ANAPC5: variants seen among roughly 807,000 people sequenced by gnomAD.
ANAPC5 encodes the protein anaphase-promoting complex subunit 5.
ANAPC5 carries 60 observed loss-of-function variants against 91.3 expected under a neutral mutation model. The observed-to-expected ratio is 0.66, with a 90% confidence interval of 0.53 to 0.81. The LOEUF (loss-of-function observed/expected upper bound fraction) is 0.81, where lower values mean the gene tolerates loss of function less well. ANAPC5 is among the 40% of genes least tolerant of loss of function. The pLI is 0.00. For synonymous variants in ANAPC5, 340 were observed against 364.1 expected, an observed-to-expected ratio of 0.93 and a Z score of 0.75; for missense variants, 690 against 931.5, an observed-to-expected ratio of 0.74 and a Z score of 3.37.
At chr12:121,353,434 C>CGTTTTGTTTT (rs1903979723), upstream of ANAPC5, among the ~76,000 whole-genome samples, 1 of 66,448 alleles carries the variant, frequency 1.5e-5, no homozygotes, top group Non-Finnish European at 5.3e-5. Context: ...GTGCCTTGTG[C>CGTTTTGTTTT]CTTTTGTTTT....
Position 121,309,772 on chromosome 12 carries a change from C to A in ANAPC5, c.1985G>T (p.Arg662Leu). The A allele has an allele frequency of 6.2e-7, 1 of 1,614,158 alleles. No individual in the cohort carries two copies. Residue 662 changes from arginine (R) to leucine (L), a missense_variant, in exon 16 of 17, where the codon CGT becomes CTT. Arg to Leu is a moderately radical substitution (Grantham distance 102, BLOSUM62 -2). Transcript: ENST00000261819. Reference sequence around the variant, plus strand: ...GCACTTGGCCACTAAGAACATGGCACGACCTTTGTCCAGGATAGCCCCGTC... The same window carrying A: ...GCACTTGGCCACTAAGAACATGGCAAGACCTTTGTCCAGGATAGCCCCGTC... The part of the protein sequence containing the change: ...LADGAILDKG[R>L]AMFLVAKCQV...
At chr12:121,325,349 G>C (rs937154876) in intron 11 of ANAPC5, among the ~76,000 whole-genome samples, 11 of 152,054 alleles carry the variant, frequency 7.2e-5, no homozygotes, top group Non-Finnish European at 8.8e-5. Context: ...TGTAATCCCA[G>C]CTACCTGGGA....
At chr12:121,310,122 A>C (rs1345033376) in intron 15 of ANAPC5, 1 of 275,948 alleles carries the variant, frequency 3.6e-6, no homozygotes, top group Non-Finnish European at 6.7e-6. Context: ...TCCAGCATTA[A>C]TATCCTTTAG....
chr12:121,320,316 C>T, intron 12 of ANAPC5, 69 bp downstream of exon 12: 4 of 1,463,710 alleles, frequency 2.7e-6, no homozygotes, highest in Admixed American at 3.5e-5. Flanking sequence ...AGATTATGTC[C>T]CACTTTATAT....
chr12:121,322,206 T>A (rs1902644901), intron 11 of ANAPC5, among the ~76,000 whole-genome samples: 1 of 151,188 alleles, frequency 6.6e-6, no homozygotes, highest in Non-Finnish European at 1.5e-5. Context: ...TCACCCAGGC[T>A]GGAGTGCAGT....
chr12:121,310,114 C>T (rs181298858), intron 15 of ANAPC5: 2 of 296,500 alleles, frequency 6.7e-6, no homozygotes, highest in East Asian at 1.2e-4. Flanking sequence ...CAAAAAGATC[C>T]AGCATTAATA....
At chr12:121,343,504 G>A (rs1410961601) in intron 4 of ANAPC5, among the ~76,000 whole-genome samples, 1 of 152,240 alleles carries the variant, frequency 6.6e-6, no homozygotes, top group African/African-American at 2.4e-5. Context: ...AGGCAGAGGA[G>A]CAGCAGGCCA....
At position 121,319,295 on chromosome 12, in the gene ANAPC5, C is replaced by T. The variant is rs141875634; in HGVS notation, c.1637+402G>A. On this transcript the variant is annotated intron_variant, in intron 13 of 16. Coordinates refer to ENST00000261819, the MANE Select transcript of ANAPC5 (RefSeq NM_016237.5). Reference sequence around the variant, plus strand: ...GTTGCCTGGGCTGGAGGCAATGGTGCGATCTTGGCTCACTGCAACCTCCGC... The same window carrying T: ...GTTGCCTGGGCTGGAGGCAATGGTGTGATCTTGGCTCACTGCAACCTCCGC... 1.2e-3 allele frequency among the ~76,000 whole-genome samples: 179 copies of T among 150,504 alleles called. 1 individual carries two copies. The highest frequency in any genetic ancestry group is 4.0e-3 in the African/African-American group (164 of 40,930).
At position 121,335,706 on chromosome 12, in the gene ANAPC5, T is replaced by G. The variant is rs1351137677; in HGVS notation, c.777A>C (p.Leu259Phe). 1 of 1,605,172 alleles carries G rather than the reference T, an allele frequency of 6.2e-7. No homozygotes were observed. The highest frequency in any genetic ancestry group is 1.7e-5 in the Admixed American group (1 of 59,666). The change falls in exon 7 of 17, where the codon TTA (leucine) becomes TTC (phenylalanine). Residue 259 changes from leucine (L) to phenylalanine (F), a missense_variant. Transcript: ENST00000261819. ...DFAEAHYLSYLNNLRVQDVFS... is the reference protein window; with the variant it reads ...DFAEAHYLSYFNNLRVQDVFS... Reference sequence around the variant, plus strand: ...AAACATCTTGGACACGGAGGTTGTTTAAGTAGCTGAGATAATGCTAAAACA... The same window carrying G: ...AAACATCTTGGACACGGAGGTTGTTGAAGTAGCTGAGATAATGCTAAAACA...
rs78999191 is a variant in ANAPC5, at chr12:121,331,454, C to T, written c.951-26G>A. 12,582 of 1,569,098 alleles carry T rather than the reference C, an allele frequency of 8.0e-3. 164 individuals carry two copies. The highest frequency in any genetic ancestry group is 0.039 in the South Asian group (3,521 of 90,004). ...CTAATGACAGACTAAACATTAATAT[C>T]CCATTAATAATCACAAACATGCATA... On this transcript the variant is annotated intron_variant, in intron 7 of 16. Coordinates refer to ENST00000261819, the MANE Select transcript of ANAPC5 (RefSeq NM_016237.5).
In ANAPC5 at chr12:121,351,961, G is replaced by A. The variant is rs968931271; in HGVS notation, c.207+173C>T. On this transcript the variant is annotated intron_variant, in intron 1 of 16. Coordinates refer to ENST00000261819, the MANE Select transcript of ANAPC5 (RefSeq NM_016237.5). ...ATGCATGTAAAGCGCCTGGCCCACC[G>A]TAAACGCTCAGTACGTGTTAGCTAC... Among the ~76,000 whole-genome samples, 13 of 151,590 alleles carry A rather than the reference G, an allele frequency of 8.6e-5. No homozygotes were observed. In the South Asian group the frequency reaches 2.1e-3, roughly 24 times the overall value.
chr12:121,334,872 A>G (rs1481143728), intron 7 of ANAPC5: 3 of 152,158 alleles, frequency 2.0e-5, no homozygotes, highest in Non-Finnish European at 4.4e-5. Context: ...TTTCTTTTTC[A>G]CTGAACGGCC....
chr12:121,317,400 C>T (rs565600561), intron 15 of ANAPC5, among the ~76,000 whole-genome samples: 22 of 151,834 alleles, frequency 1.4e-4, no homozygotes, highest in South Asian at 2.1e-4. Flanking sequence ...ATTACAGGCA[C>T]GTGCCACCAC....
At chr12:121,309,894 A>T (rs1415112651) in intron 15 of ANAPC5, 31 bp from the exon 16 acceptor site, 2 of 1,557,744 alleles carry the variant, frequency 1.3e-6, no homozygotes, top group Non-Finnish European at 1.7e-6. Context: ...CACTGTACAT[A>T]CCCAAACCCA....
Position 121,319,678 on chromosome 12 carries a change from A to T in ANAPC5, c.1637+19T>A, listed in dbSNP as rs774753658. 6.3e-7 allele frequency: 1 copy of T among 1,596,898 alleles called. No homozygotes were observed. Among genetic ancestry groups the T allele is most frequent in the South Asian group, 1.2e-5 (1 of 86,212 alleles). On this transcript the variant is annotated intron_variant, in intron 13 of 16. Transcript: ENST00000261819. ...AACAATTATTTTATTCTGGGGTTAGAGTTTTCAAGGTTTCTTACCTATAAA... is the reference window on the plus strand; with the variant it reads ...AACAATTATTTTATTCTGGGGTTAGTGTTTTCAAGGTTTCTTACCTATAAA...
At position 121,318,560 on chromosome 12, in the gene ANAPC5, CT is replaced by C. The variant is rs1443688794; in HGVS notation, c.1685del (p.Lys562SerfsTer13). ...AATGAACCAACAATTTTTGTAAAAGCTTATGTGCCTCTGACATTTGGTTCTG... is the reference window on the plus strand; with the variant it reads ...AATGAACCAACAATTTTTGTAAAAGCTATGTGCCTCTGACATTTGGTTCTG... ...QAQNQMSEAHKLLQKLLVHCQ... is the reference protein window; with the variant it reads ...QAQNQMSEAHXLLQKLLVHCQ... On this transcript the variant is annotated frameshift_variant, in exon 14 of 17. Transcript: ENST00000261819. LOFTEE classifies it high-confidence loss of function. 2 of 1,614,042 alleles carry C rather than the reference CT, an allele frequency of 1.2e-6. No homozygotes were observed. The highest frequency in any genetic ancestry group is 1.7e-6 in the Non-Finnish European group (2 of 1,180,022).
At chr12:121,319,955 T>A (rs1433995915) in intron 12 of ANAPC5, 137 bp from the exon 13 acceptor site, 4 of 839,592 alleles carry the variant, frequency 4.8e-6, no homozygotes, top group East Asian at 2.9e-5. Flanking sequence ...GATTTAAAAT[T>A]TTTTTAAAAT....
At chr12:121,353,822 C>A (rs908822730), upstream of ANAPC5, among the ~76,000 whole-genome samples, 3 of 152,000 alleles carry the variant, frequency 2.0e-5, no homozygotes, top group Non-Finnish European at 4.4e-5. Context: ...TGCAGTGGCA[C>A]GCTCACGGCT....
At chr12:121,336,856 C>T (rs530932669) in intron 6 of ANAPC5, among the ~76,000 whole-genome samples, 1 of 152,262 alleles carries the variant, frequency 6.6e-6, no homozygotes, top group South Asian at 2.1e-4. Flanking sequence ...TGTTTGCCTA[C>T]CAAGAACACG....
Sources: gnomAD v4.1 joint callset for allele counts (sites outside exome capture counted in the v4.1 genomes callset) on GRCh38, gnomAD v4.1.1 for gene constraint, MANE v1.5 for transcripts, NCBI Gene and HGNC (gene_info 2026-07-23, HGNC 2026-07-21) for gene names.